Variants in MARK2 observed in about 807,000 individuals in gnomAD.
MARK2 encodes the protein microtubule affinity regulating kinase 2.
MARK2 carries 16 observed loss-of-function variants against 89.8 expected under a neutral mutation model. That is an observed-to-expected ratio of 0.18 (90% CI 0.12 to 0.27). MARK2 has a LOEUF of 0.27. Ranked by LOEUF, MARK2 falls within the 10% of genes least tolerant of loss-of-function variation. MARK2 has a pLI of 1.00. For synonymous variants in MARK2, 382 were observed against 399.5 expected, an observed-to-expected ratio of 0.96 and a Z score of 0.52; for missense variants, 621 against 1,049.9, an observed-to-expected ratio of 0.59 and a Z score of 5.65.
chr11:63,867,246 T>C (rs1938187221), intron 1 of MARK2, among the ~76,000 whole-genome samples: 1 of 152,234 alleles, frequency 6.6e-6, no homozygotes, highest in Admixed American at 6.5e-5. Flanking sequence ...TTTGCTGGTC[T>C]TGAACTCCTG....
intron 1 of MARK2, among the ~76,000 whole-genome samples, chr11:63,885,765 C>T (rs149637118): frequency 5.9e-5 from 9 of 151,332 alleles, no homozygotes; most frequent in Admixed American, 1.3e-4. Context: ...ACACAGGAAG[C>T]GGAGGTTGCA....
chr11:63,847,710 A>T (rs1291281383), intron 1 of MARK2, among the ~76,000 whole-genome samples: 1 of 152,230 alleles, frequency 6.6e-6, no homozygotes, highest in Non-Finnish European at 1.5e-5. Context: ...TCTCCACCCT[A>T]TGCTGAACCT....
intron 1 of MARK2, among the ~76,000 whole-genome samples, chr11:63,878,438 C>T (rs549258534): frequency 1.1e-4 from 15 of 141,048 alleles, no homozygotes; most frequent in Admixed American, 8.5e-4. Flanking sequence ...GGCACGATCT[C>T]GGCTCACTGC....
intron 1 of MARK2, among the ~76,000 whole-genome samples, chr11:63,853,375 G>A (rs924269393): frequency 3.3e-5 from 5 of 151,702 alleles, no homozygotes; most frequent in African/African-American, 1.2e-4. Context: ...CTCCAGCCTG[G>A]GCGACAAGAG....
At chr11:63,892,070 A>T (rs193132007) in intron 1 of MARK2, among the ~76,000 whole-genome samples, 14 of 152,358 alleles carry the variant, frequency 9.2e-5, no homozygotes, top group Admixed American at 4.6e-4. Flanking sequence ...TGGAGAACAG[A>T]GCACCAGAGA....
intron 1 of MARK2, chr11:63,890,181 C>A: frequency 7.9e-7 from 1 of 1,263,650 alleles, no homozygotes; most frequent in Non-Finnish European, 1.1e-6. Context: ...TGGAGACTCT[C>A]TCCTCTCTTT....
At chr11:63,894,712 T>A (rs1346442841) in intron 1 of MARK2, among the ~76,000 whole-genome samples, 3 of 151,900 alleles carry the variant, frequency 2.0e-5, no homozygotes, top group East Asian at 3.9e-4. Context: ...AATAAATAAA[T>A]AAAAAATAAA....
At chr11:63,856,307 G>A (rs1157806606) in intron 1 of MARK2, among the ~76,000 whole-genome samples, 1 of 108,514 alleles carries the variant, frequency 9.2e-6, no homozygotes, top group Non-Finnish European at 1.9e-5. Context: ...TGGCCCTGTG[G>A]GTTTTTTTTT....
intron 1 of MARK2, among the ~76,000 whole-genome samples, chr11:63,849,402 G>A (rs1349566947): frequency 6.6e-6 from 1 of 152,206 alleles, no homozygotes; most frequent in African/African-American, 2.4e-5. Flanking sequence ...TGAGAGGAGA[G>A]TCCAAACTTT....
intron 7 of MARK2, among the ~76,000 whole-genome samples, chr11:63,899,406 A>G (rs1940683955): frequency 6.6e-6 from 1 of 152,050 alleles, no homozygotes; most frequent in African/African-American, 2.4e-5. Flanking sequence ...CAAGGCAGGC[A>G]CACTCCAGGC....
chr11:63,863,119 T>C (rs970791857), intron 1 of MARK2, among the ~76,000 whole-genome samples: 20 of 152,232 alleles, frequency 1.3e-4, no homozygotes, highest in Non-Finnish European at 2.4e-4. Context: ...GACATCCTGC[T>C]GTGTGTCTCT....
chr11:63,875,991 C>T (rs1938729326), intron 1 of MARK2, among the ~76,000 whole-genome samples: 1 of 152,228 alleles, frequency 6.6e-6, no homozygotes, highest in African/African-American at 2.4e-5. Flanking sequence ...GTGTGTAAAA[C>T]ACTGATCACA....
At position 63,860,948 on chromosome 11, in the gene MARK2, T is replaced by C. The variant is rs1298952153; in HGVS notation, c.54+21388T>C. ...ATTTTTTTAAAACTGTTTAATCAAGTGCTCAACATATCAATTCGTGTCTAC... is the reference window on the plus strand; with the variant it reads ...ATTTTTTTAAAACTGTTTAATCAAGCGCTCAACATATCAATTCGTGTCTAC... On this transcript the variant is annotated intron_variant, in intron 1 of 18. Coordinates refer to ENST00000402010, the MANE Select transcript of MARK2 (RefSeq NM_001039469.3). Among the ~76,000 whole-genome samples the C allele has an allele frequency of 2.0e-5, 3 of 152,192 alleles. No homozygotes were observed. In the East Asian group the frequency reaches 5.8e-4, roughly 29 times the overall value.
chr11:63,901,048 C>T lies in MARK2; in HGVS notation c.1080C>T (p.Leu360=), dbSNP rs765030638. 1.9e-5 allele frequency: 31 copies of T among 1,613,598 alleles called. No individual in the cohort carries two copies. Among genetic ancestry groups the T allele is most frequent in the Non-Finnish European group, 2.4e-5 (28 of 1,179,624 alleles). The part of the protein sequence containing the change: ...RYNEVMATYL[L]LGYKSSELEG... ...ACGAGGTGATGGCCACCTATCTGCT[C>T]CTGGGCTACAAGAGCTCCGAGGTGT... The change falls in exon 11 of 19, where the codon CTC becomes CTT. Residue 360 remains leucine, a synonymous_variant. Transcript: ENST00000402010.
intron 11 of MARK2, among the ~76,000 whole-genome samples, chr11:63,901,932 G>C (rs1940925309): frequency 6.6e-6 from 1 of 151,958 alleles, no homozygotes; most frequent in South Asian, 2.1e-4. Flanking sequence ...CTTGAGTCTG[G>C]ACATGTGTTC....
intron 1 of MARK2, among the ~76,000 whole-genome samples, chr11:63,894,442 A>G (rs552123461): frequency 5.3e-4 from 81 of 152,322 alleles, no homozygotes; most frequent in African/African-American, 1.9e-3. Flanking sequence ...CACGCCTGTA[A>G]TTCCAGCACT....
At chr11:63,863,217 C>T (rs1251615794) in intron 1 of MARK2, among the ~76,000 whole-genome samples, 6 of 152,120 alleles carry the variant, frequency 3.9e-5, no homozygotes, top group South Asian at 2.1e-4. Flanking sequence ...CTGCTGAAGC[C>T]GGTCCCCATA....
At chr11:63,862,875 A>AAT (rs1554975196) in intron 1 of MARK2, among the ~76,000 whole-genome samples, 2 of 151,004 alleles carry the variant, frequency 1.3e-5, no homozygotes, top group East Asian at 3.9e-4. Flanking sequence ...ACCAAAAAAA[A>AAT]CCCCACTAAA....
chr11:63,909,014 G>T lies in MARK2; in HGVS notation c.2144G>T (p.Arg715Leu). Residue 715 changes from arginine (R) to leucine (L), a missense_variant, in exon 19 of 19, where the codon CGC (arginine) becomes CTC (leucine). Arg to Leu is a moderately radical substitution (Grantham distance 102). Around this residue, in one of 5 missense-constraint regions of MARK2, gnomAD observed 49 missense variants for 46.7 expected, o/e 1.05. Transcript: ENST00000402010. ...CCCAACGAGATGATGCGGGAGATCC[G>T]CAAGGTGCTGGACGCGAACAGCTGC... ...MEPNEMMREI[R>L]KVLDANSCQS... 6.3e-7 allele frequency: 1 copy of T among 1,587,252 alleles called. No homozygotes were observed. Among genetic ancestry groups the T allele is most frequent in the Non-Finnish European group, 8.6e-7 (1 of 1,158,286 alleles).
Sources: allele counts gnomAD v4.1 joint callset (sites outside exome capture counted in the v4.1 genomes callset), GRCh38; gene constraint gnomAD v4.1.1; regional missense constraint gnomAD v4.1.1; transcripts MANE v1.5; gene names NCBI Gene and HGNC (gene_info 2026-07-23, HGNC 2026-07-21).